Variants in SHISA6 observed in about 807,000 individuals in gnomAD.
SHISA6 encodes shisa family member 6, also known as protein shisa-6.
Under a neutral mutation model 47.9 loss-of-function variants are expected in SHISA6, and 22 were observed. The observed-to-expected ratio is 0.46, with a 90% confidence interval of 0.33 to 0.66. SHISA6 has a LOEUF of 0.66. SHISA6 is among the 30% of genes least tolerant of loss of function. The pLI is 0.02. For missense variants in SHISA6, 680 were observed against 764.6 expected, an observed-to-expected ratio of 0.89 and a Z score of 1.30; for synonymous variants, 388 against 337.8, an observed-to-expected ratio of 1.15 and a Z score of -1.63.
At chr17:11,286,728 A>G (rs951768093) in intron 2 of SHISA6, among the ~76,000 whole-genome samples, 3 of 152,160 alleles carry the variant, frequency 2.0e-5, no homozygotes, top group Non-Finnish European at 2.9e-5. Context: ...GTCCATTCAG[A>G]CCTTATAGGA....
At chr17:11,513,688 A>G (rs2071560043) in intron 3 of SHISA6, among the ~76,000 whole-genome samples, 1 of 152,164 alleles carries the variant, frequency 6.6e-6, no homozygotes, top group Non-Finnish European at 1.5e-5. Flanking sequence ...CCCAGCTAGG[A>G]TGCCAGCTAG....
chr17:11,356,902 G>T (rs1912095372), intron 2 of SHISA6, among the ~76,000 whole-genome samples: 1 of 152,146 alleles, frequency 6.6e-6, no homozygotes, highest in Non-Finnish European at 1.5e-5. Flanking sequence ...TTGCTCTGCT[G>T]TCCTATAAGA....
At chr17:11,483,968 A>G (rs979054965) in intron 3 of SHISA6, among the ~76,000 whole-genome samples, 9 of 152,218 alleles carry the variant, frequency 5.9e-5, no homozygotes, top group African/African-American at 2.2e-4. Flanking sequence ...TTCTTGAACA[A>G]TTCAGAATTG....
intron 2 of SHISA6, among the ~76,000 whole-genome samples, chr17:11,334,209 G>C (rs1911235718): frequency 6.6e-6 from 1 of 152,124 alleles, no homozygotes; most frequent in Non-Finnish European, 1.5e-5. Flanking sequence ...AGTCTCTTGG[G>C]ACTGAGCCTG....
At chr17:11,390,904 A>G (rs2142255532) in intron 3 of SHISA6, among the ~76,000 whole-genome samples, 1 of 152,350 alleles carries the variant, frequency 6.6e-6, no homozygotes, top group Non-Finnish European at 1.5e-5. Context: ...GTGAGAAGCC[A>G]GGCAGTAAAA....
chr17:11,342,659 C>G (rs1911576254), intron 2 of SHISA6, among the ~76,000 whole-genome samples: 2 of 152,194 alleles, frequency 1.3e-5, no homozygotes, highest in African/African-American at 4.8e-5. Flanking sequence ...AAATAAACAA[C>G]CAACCCCTCC....
intron 2 of SHISA6, among the ~76,000 whole-genome samples, chr17:11,351,516 G>A (rs1453943828): frequency 2.6e-5 from 4 of 152,082 alleles, no homozygotes; most frequent in African/African-American, 9.7e-5. Flanking sequence ...TACCTCCTCT[G>A]TGTTGCCTAC....
intron 2 of SHISA6, among the ~76,000 whole-genome samples, chr17:11,330,622 C>T (rs1333857845): frequency 6.6e-6 from 1 of 152,106 alleles, no homozygotes; most frequent in African/African-American, 2.4e-5. Context: ...AAATCACCTT[C>T]CCTGAGCTTC....
At chr17:11,295,374 T>A (rs534858848) in intron 2 of SHISA6, among the ~76,000 whole-genome samples, 1 of 152,284 alleles carries the variant, frequency 6.6e-6, no homozygotes, top group South Asian at 2.1e-4. Flanking sequence ...GATACAGCTG[T>A]GAATAAGACT....
intron 3 of SHISA6, among the ~76,000 whole-genome samples, chr17:11,455,545 G>T (rs977010989): frequency 6.6e-6 from 1 of 152,048 alleles, no homozygotes; most frequent in African/African-American, 2.4e-5. Flanking sequence ...GTGTACAAGC[G>T]TGGAAGTGTG....
intron 3 of SHISA6, among the ~76,000 whole-genome samples, chr17:11,534,171 T>C (rs1280885896): frequency 2.0e-5 from 3 of 148,722 alleles, no homozygotes; most frequent in African/African-American, 7.4e-5. Flanking sequence ...TTTTTTTTTT[T>C]TTTTTTGTAT....
Position 11,558,191 on chromosome 17 carries a change from G to A in SHISA6, c.1543G>A (p.Ala515Thr), listed in dbSNP as rs1303063982. ...CGCCACCCTGGGCCAGAGCCAGACG[G>A]CAGCCAAGCGTCATGCCTTTGCCTC... The part of the protein sequence containing the change: ...SYATLGQSQT[A>T]AKRHAFASRR... The change falls in exon 6 of 6, where the codon GCA becomes ACA. Residue 515 changes from alanine to threonine, a missense_variant. By Grantham distance (58) the Ala-to-Thr change is moderately conservative. This residue lies in a region of SHISA6 where 559 missense variants were observed against 674.1 expected (regional missense o/e 0.83). Transcript: ENST00000441885. 1 of 1,544,790 alleles carries A rather than the reference G, an allele frequency of 6.5e-7. No homozygotes were observed. Among genetic ancestry groups the A allele is most frequent in the South Asian group, 1.2e-5 (1 of 84,060 alleles).
At chr17:11,379,744 C>T (rs537287625) in intron 3 of SHISA6, 93 of 373,200 alleles carry the variant, frequency 2.5e-4, no homozygotes, top group Non-Finnish European at 3.9e-4. Flanking sequence ...CCACCCATGG[C>T]GGGGACACAG....
chr17:11,319,186 C>A (rs1232118258), intron 2 of SHISA6, among the ~76,000 whole-genome samples: 1 of 151,382 alleles, frequency 6.6e-6, no homozygotes, highest in Non-Finnish European at 1.5e-5. Flanking sequence ...TCAATCGATT[C>A]TCCTGCCTCA....
chr17:11,520,098 C>T (rs992128324), intron 3 of SHISA6, among the ~76,000 whole-genome samples: 21 of 152,130 alleles, frequency 1.4e-4, no homozygotes, highest in African/African-American at 5.1e-4. Flanking sequence ...GGATGATTCT[C>T]AAAATTACAT....
chr17:11,358,210 C>A (rs757686947), intron 2 of SHISA6, among the ~76,000 whole-genome samples: 7 of 152,138 alleles, frequency 4.6e-5, no homozygotes, highest in African/African-American at 1.7e-4. Context: ...CCCACAGCTC[C>A]TGGTAACCAC....
At chr17:11,276,511 T>C in intron 2 of SHISA6, among the ~76,000 whole-genome samples, 1 of 152,328 alleles carries the variant, frequency 6.6e-6, no homozygotes, top group South Asian at 2.1e-4. Context: ...ACCCCCTTAC[T>C]AGTTGTTAAC....
chr17:11,288,987 C>A (rs897340939), intron 2 of SHISA6: 1 of 152,120 alleles, frequency 6.6e-6, no homozygotes, highest in African/African-American at 2.4e-5. Context: ...TTGATCTTAA[C>A]TGAGGAGTAA....
chr17:11,262,997 A>G lies in SHISA6; in HGVS notation c.639-369A>G, dbSNP rs553978058. Among the ~76,000 whole-genome samples, 31 of 152,234 alleles carry G rather than the reference A, an allele frequency of 2.0e-4. No individual in the cohort carries two copies. The East Asian group carries it at 6.0e-3, about 29-fold the overall frequency. On this transcript the variant is annotated intron_variant, in intron 1 of 5. Coordinates refer to ENST00000441885, the MANE Select transcript of SHISA6 (RefSeq NM_207386.4). ...TATTAGTGACCTGCTGCTGAATTTG[A>G]GGCCGATGGTTTCAGCCCTTCACCA...
Sources: gnomAD v4.1 joint callset for allele counts (sites outside exome capture counted in the v4.1 genomes callset) on GRCh38, gnomAD v4.1.1 for gene constraint, gnomAD v4.1.1 regional missense constraint, MANE v1.5 for transcripts, NCBI Gene and HGNC (gene_info 2026-07-23, HGNC 2026-07-21) for gene names.